The following SLC8A1 variants were observed in gnomAD, a reference collection of about 807,000 sequenced individuals.
SLC8A1 encodes the protein solute carrier family 8 member A1, also known as sodium/calcium exchanger 1.
Under a neutral mutation model 68.3 loss-of-function variants are expected in SLC8A1, and 18 were observed. The observed-to-expected ratio is 0.26, with a 90% confidence interval of 0.18 to 0.39. The LOEUF (loss-of-function observed/expected upper bound fraction) is 0.39, where lower values mean the gene tolerates loss of function less well. Ranked by LOEUF, SLC8A1 falls within the 10% of genes least tolerant of loss-of-function variation. The probability of loss-of-function intolerance (pLI) is 1.00; values close to 1 mark genes in which losing one functional copy is unlikely to be tolerated. For synonymous variants in SLC8A1, 475 were observed against 415.5 expected (o/e 1.14, Z -1.74); for missense variants, 985 against 1,156.7 (o/e 0.85, Z 2.15).
chr2:40,428,715 T>C (rs1406060171), exon 2 of SLC8A1: 1 of 1,613,592 alleles, frequency 6.2e-7, no homozygotes, highest in East Asian at 2.2e-5. Flanking sequence ...TGGAGGGAGA[T>C]CCGAGGCAAG....
intron 7 of SLC8A1, among the ~76,000 whole-genome samples, chr2:40,124,029 C>G (rs910137446): frequency 2.6e-5 from 4 of 152,162 alleles, no homozygotes; most frequent in African/African-American, 9.7e-5. Flanking sequence ...TCTGGAACAT[C>G]CATCTCCTAT....
At chr2:40,233,852 G>T (rs909269403) in intron 2 of SLC8A1, among the ~76,000 whole-genome samples, 1 of 151,522 alleles carries the variant, frequency 6.6e-6, no homozygotes, top group African/African-American at 2.4e-5. Flanking sequence ...ATTAAATAGG[G>T]AATCCTTTCC....
intron 2 of SLC8A1, among the ~76,000 whole-genome samples, chr2:40,357,444 C>G (rs1414179789): frequency 3.5e-5 from 5 of 144,116 alleles, no homozygotes; most frequent in Non-Finnish European, 7.5e-5. Flanking sequence ...CTGCAGTGTG[C>G]TATGATCATG....
At chr2:40,429,362 C>A in exon 2 of SLC8A1, 5 of 1,613,894 alleles carry the variant, frequency 3.1e-6, no homozygotes, top group Non-Finnish European at 4.2e-6. Context: ...AGAACCAGAG[C>A]ACCATCTAAG....
chr2:40,446,168 C>T (rs987616416), intron 1 of SLC8A1, among the ~76,000 whole-genome samples: 1 of 152,204 alleles, frequency 6.6e-6, no homozygotes, highest in Non-Finnish European at 1.5e-5. Flanking sequence ...ACAGAATCAT[C>T]ACCTTTAATA....
chr2:40,390,882 T>A (rs1685039915), intron 2 of SLC8A1, among the ~76,000 whole-genome samples: 1 of 152,118 alleles, frequency 6.6e-6, no homozygotes, highest in African/African-American at 2.4e-5. Context: ...TTTTATCTTA[T>A]TTTGGCATTT....
chr2:40,270,558 G>A (rs2065902615), intron 2 of SLC8A1, among the ~76,000 whole-genome samples: 1 of 152,168 alleles, frequency 6.6e-6, no homozygotes, highest in African/African-American at 2.4e-5. Flanking sequence ...CTCTCTGACT[G>A]TCCTTCCATA....
intron 2 of SLC8A1, among the ~76,000 whole-genome samples, chr2:40,311,052 G>T (rs923910004): frequency 1.3e-5 from 2 of 151,918 alleles, no homozygotes; most frequent in Non-Finnish European, 2.9e-5. Flanking sequence ...ATTTTTATTG[G>T]TTAATTGTCT....
chr2:40,314,118 G>GA (rs1046280883), intron 2 of SLC8A1, among the ~76,000 whole-genome samples: 13 of 151,584 alleles, frequency 8.6e-5, no homozygotes, highest in Non-Finnish European at 1.5e-4. Flanking sequence ...ACCGTTTTTT[G>GA]AAAAAAATAT....
chr2:40,145,154 A>G (rs1035118223), intron 6 of SLC8A1, among the ~76,000 whole-genome samples: 1 of 151,384 alleles, frequency 6.6e-6, no homozygotes, highest in Admixed American at 6.6e-5. Flanking sequence ...AAACATATAT[A>G]TTTTCCACAT....
intron 2 of SLC8A1, among the ~76,000 whole-genome samples, chr2:40,267,029 C>G (rs569007190): frequency 6.6e-6 from 1 of 152,238 alleles, no homozygotes; most frequent in East Asian, 1.9e-4. Context: ...TGGGGTTCAT[C>G]AGCAAACTTA....
At chr2:40,330,137 CTATT>C (rs2076267144) in intron 2 of SLC8A1, among the ~76,000 whole-genome samples, 1 of 152,154 alleles carries the variant, frequency 6.6e-6, no homozygotes, top group Non-Finnish European at 1.5e-5. Context: ...CTATCCTACG[CTATT>C]TATTAGGACT....
intron 2 of SLC8A1, among the ~76,000 whole-genome samples, chr2:40,234,779 T>C (rs2060147379): frequency 6.6e-6 from 1 of 152,182 alleles, no homozygotes; most frequent in African/African-American, 2.4e-5. Flanking sequence ...GTCCCATCAA[T>C]ACCTAATTTA....
rs1189272258 is a variant in SLC8A1 at position 40,252,158 on chromosome 2, T to C, written c.1809-74303A>G. ...TCTATAATGTGGTTGTATGAATTTA[T>C]TCATATAGAGAGAATTTACAGGTGG... On this transcript the variant is annotated intron_variant, in intron 2 of 7. Transcript: ENST00000406785. Among the ~76,000 whole-genome samples the C allele has an allele frequency of 2.0e-5, 3 of 152,348 alleles. No homozygotes were observed. The South Asian group carries it at 6.2e-4, about 32-fold the overall frequency.
At chr2:40,158,337 G>T (rs1408734241) in intron 6 of SLC8A1, among the ~76,000 whole-genome samples, 2 of 152,136 alleles carry the variant, frequency 1.3e-5, no homozygotes, top group Non-Finnish European at 2.9e-5. Context: ...TTTTGAAACT[G>T]CCCTTCATGT....
intron 2 of SLC8A1, among the ~76,000 whole-genome samples, chr2:40,199,241 A>T (rs960038511): frequency 3.3e-5 from 5 of 151,838 alleles, no homozygotes; most frequent in Non-Finnish European, 5.9e-5. Flanking sequence ...TGCATTACTC[A>T]GATCTATCAT....
exon 8 of SLC8A1, chr2:40,112,293 T>C (rs1328265101): frequency 6.6e-6 from 1 of 152,472 alleles, no homozygotes; most frequent in Admixed American, 6.6e-5. Flanking sequence ...TCTGTGTCAG[T>C]AATATGTACC....
At chr2:40,164,901 C>G (rs1173900393) in exon 5 of SLC8A1, 4 of 1,614,020 alleles carry the variant, frequency 2.5e-6, no homozygotes, top group Non-Finnish European at 3.4e-6. Context: ...TTGGTGTGCT[C>G]TCCCAGGATG....
chr2:40,394,650 G>C (rs916324454), intron 2 of SLC8A1, among the ~76,000 whole-genome samples: 6 of 152,014 alleles, frequency 3.9e-5, no homozygotes, highest in African/African-American at 1.4e-4. Flanking sequence ...CCTCTTTAGA[G>C]AACTGTGATT....
Sources: allele counts gnomAD v4.1 joint callset (sites outside exome capture counted in the v4.1 genomes callset), GRCh38; gene constraint gnomAD v4.1.1; transcripts MANE v1.5; gene names NCBI Gene and HGNC (gene_info 2026-07-23, HGNC 2026-07-21).